RAF1: variants seen among roughly 807,000 people sequenced by gnomAD.
RAF1 encodes the protein Raf-1 proto-oncogene, serine/threonine kinase.
Under a neutral mutation model 81.1 loss-of-function variants are expected in RAF1, and 27 were observed. That is an observed-to-expected ratio of 0.33 (90% CI 0.25 to 0.46). The LOEUF is 0.46. Among genes scored for constraint, RAF1 ranks in the 20% least tolerant of loss-of-function variants. The pLI is 1.00. For missense variants in RAF1, 598 were observed against 826.0 expected (o/e 0.72, Z 3.38); for synonymous variants, 298 against 294.0 (o/e 1.01, Z -0.14).
rs1038282942 is a variant in RAF1, at chr3:12,584,437, G to A, written c.*77C>T. ...CTCTGAAAACATGTGTTCTGCCTCT[G>A]GAGAAAGGGAGCAGAAAAGTGGTGC... On this transcript the variant is annotated 3_prime_UTR_variant, in exon 18 of 18. Transcript: ENST00000442415. The A allele has an allele frequency of 1.3e-6, 2 of 1,575,910 alleles. No homozygotes were observed. The highest frequency in any genetic ancestry group is 1.1e-5 in the South Asian group (1 of 89,978).
chr3:12,624,723 C>T (rs917040506), intron 1 of RAF1, among the ~76,000 whole-genome samples: 41 of 152,004 alleles, frequency 2.7e-4, no homozygotes, highest in East Asian at 1.6e-3. Flanking sequence ...ACATGTTGGC[C>T]GGGCACAGTG....
chr3:12,617,617 G>A (rs1277241930), intron 2 of RAF1, among the ~76,000 whole-genome samples: 1 of 152,038 alleles, frequency 6.6e-6, no homozygotes, highest in African/African-American at 2.4e-5. Context: ...TGGGCGTGGT[G>A]TCTCATGTTG....
chr3:12,605,345 T>C (rs757479097), intron 6 of RAF1, among the ~76,000 whole-genome samples: 31 of 151,544 alleles, frequency 2.0e-4, no homozygotes, highest in Non-Finnish European at 3.4e-4. Context: ...TGGAGTGCAG[T>C]GGTGCCATCT....
intron 7 of RAF1, chr3:12,603,661 A>C: frequency 1.8e-6 from 1 of 549,546 alleles, no homozygotes; most frequent in South Asian, 2.7e-5. Context: ...CAAAAAGCCA[A>C]GAGAAGAAAA....
rs142064409 is a variant in RAF1 at position 12,596,021 on chromosome 3, A to C, written c.1168+3670T>G. ...TTCTCGAGTAGCGGGGACAACAGACACACAGCACCATGGTCAGCTAATTGT... is the reference window on the plus strand; with the variant it reads ...TTCTCGAGTAGCGGGGACAACAGACCCACAGCACCATGGTCAGCTAATTGT... On this transcript the variant is annotated intron_variant, in intron 11 of 17. Transcript: ENST00000442415. 1.9e-3 allele frequency among the ~76,000 whole-genome samples: 289 copies of C among 151,264 alleles called. 1 individual carries two copies. The highest frequency in any genetic ancestry group is 6.1e-3 in the African/African-American group (253 of 41,218).
chr3:12,641,429 G>A (rs1300419567), intron 1 of RAF1, among the ~76,000 whole-genome samples: 1 of 147,288 alleles, frequency 6.8e-6, no homozygotes, highest in Non-Finnish European at 1.5e-5. Flanking sequence ...CCACTTACAG[G>A]AAATATAACA....
intron 1 of RAF1, among the ~76,000 whole-genome samples, chr3:12,640,005 T>C (rs549846940): frequency 6.6e-6 from 1 of 152,302 alleles, no homozygotes; most frequent in Non-Finnish European, 1.5e-5. Flanking sequence ...AGCATGGTAC[T>C]GGTACCAAAA....
chr3:12,599,574 G>C (rs1167111257), intron 11 of RAF1, 117 bp downstream of exon 10: 4 of 769,306 alleles, frequency 5.2e-6, no homozygotes, highest in Admixed American at 1.9e-5. Context: ...GTATGTAAGG[G>C]AGAGTACTGC....
At chr3:12,592,675 C>T (rs1286067187) in intron 11 of RAF1, among the ~76,000 whole-genome samples, 1 of 150,830 alleles carries the variant, frequency 6.6e-6, no homozygotes, top group Non-Finnish European at 1.5e-5. Context: ...CTTGATATAA[C>T]TTTAGACACA....
intron 3 of RAF1, among the ~76,000 whole-genome samples, chr3:12,611,205 G>GT (rs1376621868): frequency 1.3e-5 from 2 of 151,984 alleles, no homozygotes; most frequent in East Asian, 3.9e-4. Context: ...ACATGTGTTT[G>GT]TTTTTGTTTT....
chr3:12,626,095 A>G (rs2059693385), intron 1 of RAF1, among the ~76,000 whole-genome samples: 1 of 151,364 alleles, frequency 6.6e-6, no homozygotes, highest in Non-Finnish European at 1.5e-5. Flanking sequence ...GTGAAACCCT[A>G]TTTCTACTAA....
At chr3:12,585,490 C>T (rs1227043166) in intron 15 of RAF1, 191 bp downstream of exon 14, 1 of 948,140 alleles carries the variant, frequency 1.1e-6, no homozygotes, top group African/African-American at 1.8e-5. Flanking sequence ...CTCCTCTCCA[C>T]ACTAAGCTTC....
chr3:12,635,997 G>GT (rs2060017358), intron 1 of RAF1, among the ~76,000 whole-genome samples: 1 of 147,972 alleles, frequency 6.8e-6, no homozygotes, highest in South Asian at 2.1e-4. Flanking sequence ...TAATAATGTT[G>GT]TTTTTAGGCC....
At chr3:12,644,406 C>CA (rs1487129776) in intron 1 of RAF1, among the ~76,000 whole-genome samples, 6 of 152,096 alleles carry the variant, frequency 3.9e-5, no homozygotes, top group Admixed American at 1.3e-4. Context: ...ACTACTCTCC[C>CA]AAAAAATGAG....
chr3:12,629,786 T>G lies in RAF1; in HGVS notation c.-26-11039A>C, dbSNP rs1232236852. Among the ~76,000 whole-genome samples the G allele has an allele frequency of 3.9e-5, 6 of 152,292 alleles. No homozygotes were observed. The South Asian group carries it at 1.2e-3, about 32-fold the overall frequency. ...AATCTGTTTCTAATTATACTTTTAT[T>G]TGTTTATTTTTCTAAGGCATGACCG... On this transcript the variant is annotated intron_variant, in intron 1 of 17. Coordinates refer to ENST00000442415, the MANE Select transcript of RAF1 (RefSeq NM_001354689.3).
intron 11 of RAF1, among the ~76,000 whole-genome samples, chr3:12,596,770 TTA>T (rs1180237208): frequency 6.6e-6 from 1 of 152,152 alleles, no homozygotes; most frequent in Non-Finnish European, 1.5e-5. Context: ...AATCTAGAAG[TTA>T]TGTTTCCTGG....
At chr3:12,624,442 C>G (rs752011871) in intron 1 of RAF1, among the ~76,000 whole-genome samples, 7 of 152,086 alleles carry the variant, frequency 4.6e-5, no homozygotes, top group Non-Finnish European at 1.0e-4. Flanking sequence ...ATCAGAAACC[C>G]TGTTGATACT....
At chr3:12,619,161 C>T (rs1025028760) in intron 1 of RAF1, among the ~76,000 whole-genome samples, 6 of 151,688 alleles carry the variant, frequency 4.0e-5, no homozygotes, top group South Asian at 2.1e-4. Flanking sequence ...AGGAGAATGG[C>T]GGGAACCTGG....
chr3:12,614,429 T>TATA (rs139595076), intron 2 of RAF1, among the ~76,000 whole-genome samples: 6 of 26,776 alleles, frequency 2.2e-4, no homozygotes, highest in Non-Finnish European at 5.0e-4. Flanking sequence ...TGTGTGTGTG[T>TATA]AAAATCTATA....
Sources: gnomAD v4.1 joint callset for allele counts (sites outside exome capture counted in the v4.1 genomes callset) on GRCh38, gnomAD v4.1.1 for gene constraint, MANE v1.5 for transcripts, NCBI Gene and HGNC (gene_info 2026-07-23, HGNC 2026-07-21) for gene names.